HSPBAP1: variants seen among roughly 807,000 people sequenced by gnomAD.
HSPBAP1 encodes the protein HSPB1 associated protein 1, also known as HSPB1-associated protein 1.
In HSPBAP1, 27 loss-of-function variants were observed where a neutral mutation model predicts 45.2. That is an observed-to-expected ratio of 0.60 (90% confidence interval 0.44 to 0.82). The LOEUF is 0.82. Among genes scored for constraint, HSPBAP1 ranks in the 40% least tolerant of loss-of-function variants. The pLI is 0.00. For missense variants in HSPBAP1, 510 were observed against 590.9 expected (o/e 0.86, Z 1.42); for synonymous variants, 204 against 202.7 (o/e 1.01, Z -0.06).
At chr3:122,749,817 G>T (rs559169603) in intron 6 of HSPBAP1, among the ~76,000 whole-genome samples, 10 of 151,888 alleles carry the variant, frequency 6.6e-5, no homozygotes, top group Non-Finnish European at 1.5e-4. Context: ...TCACCATGTT[G>T]GCCAGGATGG....
In HSPBAP1 at chr3:122,793,713, A is replaced by G. The variant is rs1170067353; in HGVS notation, c.-33T>C. 1 of 1,609,092 alleles carries G rather than the reference A, an allele frequency of 6.2e-7. No homozygotes were observed. The highest frequency in any genetic ancestry group is 2.2e-5 in the East Asian group (1 of 44,858). On this transcript the variant is annotated 5_prime_UTR_variant, in exon 1 of 8. Coordinates refer to ENST00000306103, the MANE Select transcript of HSPBAP1 (RefSeq NM_024610.6). ...GCAAGGCGGGTTCTGCCGGAACCCAAGGCGGAGCGGAGCTGGGGTGGGGTC... is the reference window on the plus strand; with the variant it reads ...GCAAGGCGGGTTCTGCCGGAACCCAGGGCGGAGCGGAGCTGGGGTGGGGTC...
chr3:122,791,059 G>A (rs1409108759), intron 1 of HSPBAP1, among the ~76,000 whole-genome samples: 1 of 151,872 alleles, frequency 6.6e-6, no homozygotes, highest in Non-Finnish European at 1.5e-5. Flanking sequence ...ATTCCTGCCA[G>A]ATACTATGCT....
intron 3 of HSPBAP1, among the ~76,000 whole-genome samples, chr3:122,768,290 G>A (rs1220900212): frequency 6.6e-6 from 1 of 152,224 alleles, no homozygotes; most frequent in Non-Finnish European, 1.5e-5. Flanking sequence ...GGTAGAAATT[G>A]CAGCAGCAGC....
intron 3 of HSPBAP1, chr3:122,761,898 G>T (rs940085777): frequency 6.6e-6 from 1 of 151,720 alleles, no homozygotes; most frequent in Non-Finnish European, 1.5e-5. Flanking sequence ...GTAGTCAAAT[G>T]TCTGAAGTCA....
At chr3:122,759,878 T>C (rs1032857769) in intron 3 of HSPBAP1, among the ~76,000 whole-genome samples, 1 of 152,230 alleles carries the variant, frequency 6.6e-6, no homozygotes, top group Admixed American at 6.5e-5. Flanking sequence ...ACTAACTTTG[T>C]GTACTTCAAT....
chr3:122,774,534 C>T (rs141401928), intron 2 of HSPBAP1, among the ~76,000 whole-genome samples: 3 of 152,184 alleles, frequency 2.0e-5, no homozygotes, highest in Admixed American at 6.5e-5. Context: ...ACATTTTGGT[C>T]TTTAGCCTAA....
chr3:122,776,017 G>T (rs1935182504), intron 2 of HSPBAP1, among the ~76,000 whole-genome samples: 1 of 152,182 alleles, frequency 6.6e-6, no homozygotes, highest in African/African-American at 2.4e-5. Context: ...GCACAAAAGG[G>T]CCAATAGTGA....
At chr3:122,742,689 G>T (rs1933709727) in intron 6 of HSPBAP1, among the ~76,000 whole-genome samples, 1 of 152,152 alleles carries the variant, frequency 6.6e-6, no homozygotes, top group Non-Finnish European at 1.5e-5. Context: ...AATGTATGTG[G>T]TCCTTACCCA....
rs973624171 is a variant in HSPBAP1 at position 122,740,647 on chromosome 3, C to T, written c.1165G>A (p.Gly389Ser). Residue 389 changes from glycine (G) to serine (S), a missense_variant, in exon 8 of 8, where the codon GGC becomes AGC. Transcript: ENST00000306103. ...TDKPEAASPF[G>S]PDLVPVAQRS... is the part of the protein sequence containing the mutation. ...TGTGCTACAGGGACCAGATCAGGGC[C>T]AAAGGGACTTGCTGCCTCCGGTTTG... The T allele has an allele frequency of 2.5e-6, 4 of 1,614,098 alleles. No homozygotes were observed. The highest frequency in any genetic ancestry group is 1.1e-5 in the South Asian group (1 of 91,088).
chr3:122,793,455 G>A (rs1324478910), intron 1 of HSPBAP1, among the ~76,000 whole-genome samples, 162 bp downstream of exon 1: 1 of 152,220 alleles, frequency 6.6e-6, no homozygotes, highest in Non-Finnish European at 1.5e-5. Context: ...CACAATTCGA[G>A]AAATGCCACG....
chr3:122,788,786 C>T (rs1477852809), intron 1 of HSPBAP1, among the ~76,000 whole-genome samples: 1 of 152,062 alleles, frequency 6.6e-6, no homozygotes, highest in Non-Finnish European at 1.5e-5. Context: ...TTACCAGGGA[C>T]TGGGGGAAGA....
intron 1 of HSPBAP1, among the ~76,000 whole-genome samples, chr3:122,780,713 C>T (rs1312404819): frequency 1.3e-4 from 19 of 149,608 alleles, no homozygotes; most frequent in African/African-American, 4.5e-4. Context: ...TCCTCACTTC[C>T]CAGACGGGGT....
chr3:122,781,239 C>T (rs1287081473), intron 1 of HSPBAP1, among the ~76,000 whole-genome samples: 8 of 151,908 alleles, frequency 5.3e-5, no homozygotes, highest in Non-Finnish European at 1.2e-4. Flanking sequence ...GCCGAGATCA[C>T]GCCACTGCAC....
intron 1 of HSPBAP1, among the ~76,000 whole-genome samples, chr3:122,783,899 C>T (rs1223319164): frequency 6.6e-6 from 1 of 151,598 alleles, no homozygotes; most frequent in Non-Finnish European, 1.5e-5. Flanking sequence ...GGCGGGATCT[C>T]GGCTCACTGC....
At chr3:122,761,932 G>A (rs1002428325) in intron 3 of HSPBAP1, 2 of 152,160 alleles carry the variant, frequency 1.3e-5, no homozygotes, top group African/African-American at 4.8e-5. Context: ...AATCTGTCTT[G>A]AGTCTTGCTA....
At chr3:122,767,204 T>C (rs1440420785) in intron 3 of HSPBAP1, among the ~76,000 whole-genome samples, 1 of 152,220 alleles carries the variant, frequency 6.6e-6, no homozygotes, top group Admixed American at 6.5e-5. Flanking sequence ...AACCTATGCA[T>C]TTCTTTCATG....
intron 2 of HSPBAP1, 77 bp from the exon 3 acceptor site, chr3:122,768,959 A>T: frequency 9.2e-7 from 1 of 1,089,390 alleles, no homozygotes; most frequent in Non-Finnish European, 1.3e-6. Context: ...TAAAATAAAG[A>T]TAATTTCAAC....
At chr3:122,766,647 G>A (rs1266642043) in intron 3 of HSPBAP1, among the ~76,000 whole-genome samples, 1 of 152,140 alleles carries the variant, frequency 6.6e-6, no homozygotes, top group Non-Finnish European at 1.5e-5. Context: ...ATCCAAGGCA[G>A]AGTGAGCCTA....
At chr3:122,765,833 A>T (rs982107016) in intron 3 of HSPBAP1, among the ~76,000 whole-genome samples, 1 of 152,236 alleles carries the variant, frequency 6.6e-6, no homozygotes, top group Non-Finnish European at 1.5e-5. Context: ...GGATTTTATA[A>T]GAGTAGAGAG....
Sources: gnomAD v4.1 joint callset for allele counts (sites outside exome capture counted in the v4.1 genomes callset) on GRCh38, gnomAD v4.1.1 for gene constraint, MANE v1.5 for transcripts, NCBI Gene and HGNC (gene_info 2026-07-23, HGNC 2026-07-21) for gene names.